The following SLC24A3 variants were observed in gnomAD, a reference collection of about 807,000 sequenced individuals.
SLC24A3 encodes sodium/potassium/calcium exchanger 3.
Under a neutral mutation model 75.8 loss-of-function variants are expected in SLC24A3, and 28 were observed. That is an observed-to-expected ratio of 0.37 (90% CI 0.27 to 0.51). The LOEUF (loss-of-function observed/expected upper bound fraction) is 0.51, where lower values mean the gene tolerates loss of function less well. Among genes scored for constraint, SLC24A3 ranks in the 20% least tolerant of loss-of-function variants. The pLI is 0.94. For missense variants in SLC24A3, 663 were observed against 847.8 expected (o/e 0.78, Z 2.71); for synonymous variants, 372 against 334.1 (o/e 1.11, Z -1.24).
intron 15 of SLC24A3, among the ~76,000 whole-genome samples, chr20:19,709,514 C>T (rs1023338508): frequency 6.6e-6 from 1 of 151,930 alleles, no homozygotes; most frequent in Admixed American, 6.5e-5. Flanking sequence ...CCCAGCTACT[C>T]GGGAGGCTGA....
chr20:19,279,729 G>T (rs571895522), intron 1 of SLC24A3, among the ~76,000 whole-genome samples: 4 of 152,268 alleles, frequency 2.6e-5, no homozygotes, highest in African/African-American at 9.6e-5. Flanking sequence ...CCTGAGGCTT[G>T]CTGTGGCTCT....
intron 2 of SLC24A3, among the ~76,000 whole-genome samples, chr20:19,458,974 TG>T (rs1405908823): frequency 6.6e-6 from 1 of 152,196 alleles, no homozygotes; most frequent in Admixed American, 6.5e-5. Context: ...TTTAGCCCAT[TG>T]GAGTGGTTAA....
chr20:19,413,863 A>G (rs1325823906), intron 2 of SLC24A3, among the ~76,000 whole-genome samples: 1 of 152,020 alleles, frequency 6.6e-6, no homozygotes, highest in Admixed American at 6.5e-5. Context: ...ATGTTATCTC[A>G]TGAGCAAAAT....
At chr20:19,565,670 T>G (rs2030946167) in intron 3 of SLC24A3, among the ~76,000 whole-genome samples, 1 of 152,154 alleles carries the variant, frequency 6.6e-6, no homozygotes, top group Non-Finnish European at 1.5e-5. Flanking sequence ...CCTTTTTCCT[T>G]GTATTGATTC....
intron 9 of SLC24A3, among the ~76,000 whole-genome samples, chr20:19,676,843 G>C (rs1401106078): frequency 6.6e-6 from 1 of 152,182 alleles, no homozygotes; most frequent in Non-Finnish European, 1.5e-5. Context: ...TATGTGTGCT[G>C]GTGGTTAAGA....
chr20:19,679,179 C>G (rs1241574183), intron 9 of SLC24A3, among the ~76,000 whole-genome samples: 1 of 151,964 alleles, frequency 6.6e-6, no homozygotes, highest in Non-Finnish European at 1.5e-5. Context: ...TGTAGCAAGC[C>G]GAGATCACGC....
intron 2 of SLC24A3, among the ~76,000 whole-genome samples, chr20:19,492,133 G>A (rs1988218256): frequency 6.6e-6 from 1 of 152,196 alleles, no homozygotes; most frequent in South Asian, 2.1e-4. Flanking sequence ...CCTTTTGATA[G>A]GAAACTTTGC....
chr20:19,271,508 A>G (rs1983329047), intron 1 of SLC24A3, among the ~76,000 whole-genome samples: 1 of 152,200 alleles, frequency 6.6e-6, no homozygotes. Flanking sequence ...GAGGAAAAGA[A>G]GTCATTATAT....
chr20:19,578,518 CT>C (rs935482116), intron 3 of SLC24A3, among the ~76,000 whole-genome samples: 10 of 151,904 alleles, frequency 6.6e-5, no homozygotes, highest in Admixed American at 1.3e-4. Flanking sequence ...CCACTTATCT[CT>C]GCTTGGCCCC....
At chr20:19,694,216 A>G (rs772127352) in intron 13 of SLC24A3, 3 of 152,216 alleles carry the variant, frequency 2.0e-5, no homozygotes, top group African/African-American at 4.8e-5. Flanking sequence ...TTACCCATTT[A>G]TGGCTATACT....
At chr20:19,305,504 G>T (rs6112304) in intron 2 of SLC24A3, among the ~76,000 whole-genome samples, 43,600 of 151,522 alleles carry the variant, frequency 0.29, 6,983 homozygotes, top group Middle Eastern at 0.51. Context: ...TGCCTTGCTT[G>T]AGTGTTTATA....
chr20:19,721,405 G>A lies in SLC24A3; in HGVS notation c.*265G>A, dbSNP rs3828002. ...ACGTGACTTTTCCAGCTCCATTTTTGAACAGTGACTGAGATTCTAGAAAAA... is the reference window on the plus strand; with the variant it reads ...ACGTGACTTTTCCAGCTCCATTTTTAAACAGTGACTGAGATTCTAGAAAAA... On this transcript the variant is annotated 3_prime_UTR_variant, in exon 17 of 17. Coordinates refer to ENST00000328041, the MANE Select transcript of SLC24A3 (RefSeq NM_020689.4). 0.5 allele frequency: 196,338 copies of A among 396,310 alleles called. 51,743 individuals carry two copies. Among genetic ancestry groups the A allele is most frequent in the South Asian group, 0.62 (11,452 of 18,348 alleles). The allele number at this position is 396,310 out of a possible 1,614,324, so 24.5% of individuals were successfully genotyped here. A position where few individuals can be genotyped will look rare whatever the true frequency, so the allele number is the denominator to read the frequency against.
intron 2 of SLC24A3, among the ~76,000 whole-genome samples, chr20:19,394,668 T>C (rs899351110): frequency 6.6e-6 from 1 of 152,146 alleles, no homozygotes; most frequent in Non-Finnish European, 1.5e-5. Flanking sequence ...AGATATCACC[T>C]CCTACCTAGT....
At chr20:19,694,880 A>T (rs1217149012) in intron 13 of SLC24A3, 4 of 152,294 alleles carry the variant, frequency 2.6e-5, no homozygotes, top group Admixed American at 6.5e-5. Context: ...GATGAACCAG[A>T]GGCCAAGACT....
At chr20:19,308,015 C>A (rs984543767) in intron 2 of SLC24A3, among the ~76,000 whole-genome samples, 9 of 152,146 alleles carry the variant, frequency 5.9e-5, no homozygotes, top group African/African-American at 2.2e-4. Flanking sequence ...TCTTTATTAA[C>A]CATACTTGAC....
chr20:19,673,325 G>A lies in SLC24A3; in HGVS notation c.714-276G>A, dbSNP rs151307875. On this transcript the variant is annotated intron_variant, in intron 8 of 16. Transcript: ENST00000328041. Reference sequence around the variant, plus strand: ...CATATTGACCTATATTCAGCAACGTGTATGAAAGGCTTGCTGCTTTCAAAG... The same window carrying A: ...CATATTGACCTATATTCAGCAACGTATATGAAAGGCTTGCTGCTTTCAAAG... Among the ~76,000 whole-genome samples the A allele has an allele frequency of 9.5e-4, 145 of 152,326 alleles. 1 individual carries two copies. Among genetic ancestry groups the A allele is most frequent in the African/African-American group, 3.3e-3 (136 of 41,584 alleles).
intron 2 of SLC24A3, among the ~76,000 whole-genome samples, chr20:19,303,819 C>T (rs1262940501): frequency 6.6e-6 from 1 of 152,198 alleles, no homozygotes; most frequent in African/African-American, 2.4e-5. Flanking sequence ...TCTTGCCTTC[C>T]TATCTCCCAT....
chr20:19,359,419 G>T (rs1985747318), intron 2 of SLC24A3, among the ~76,000 whole-genome samples: 1 of 152,160 alleles, frequency 6.6e-6, no homozygotes, highest in Non-Finnish European at 1.5e-5. Flanking sequence ...CATACTGGGG[G>T]CTGCCCCAAA....
chr20:19,475,557 A>G (rs1471177919), intron 2 of SLC24A3, among the ~76,000 whole-genome samples: 1 of 152,240 alleles, frequency 6.6e-6, no homozygotes, highest in Non-Finnish European at 1.5e-5. Context: ...AAATATGCAG[A>G]AACTAATAGT....
Sources: gnomAD v4.1 joint callset for allele counts (sites outside exome capture counted in the v4.1 genomes callset) on GRCh38, gnomAD v4.1.1 for gene constraint, MANE v1.5 for transcripts, NCBI Gene and HGNC (gene_info 2026-07-23, HGNC 2026-07-21) for gene names.